Variants in ATP2B2 observed in about 807,000 individuals in gnomAD.
ATP2B2 encodes ATPase plasma membrane Ca2+ transporting 2, also known as plasma membrane calcium-transporting ATPase 2.
Under a neutral mutation model 120.0 loss-of-function variants are expected in ATP2B2, and 15 were observed. That is an observed-to-expected ratio of 0.12 (90% CI 0.08 to 0.19). The LOEUF (loss-of-function observed/expected upper bound fraction) is 0.19, where lower values mean the gene tolerates loss of function less well. Ranked by LOEUF, ATP2B2 falls within the 10% of genes least tolerant of loss-of-function variation. ATP2B2 has a pLI of 1.00. For missense variants in ATP2B2, 1,045 were observed against 1,719.8 expected (o/e 0.61, Z 6.94); for synonymous variants, 694 against 700.3 (o/e 0.99, Z 0.14).
chr3:10,410,546 C>T (rs939369453), intron 3 of ATP2B2, 72 bp downstream of exon 3: 26 of 1,487,090 alleles, frequency 1.7e-5, no homozygotes, highest in Non-Finnish European at 2.2e-5. Flanking sequence ...TTGTGTGAGC[C>T]GTGAGTGCCC....
At chr3:10,605,653 G>GTT (rs5846675) in intron 2 of ATP2B2, among the ~76,000 whole-genome samples, 9,930 of 146,878 alleles carry the variant, frequency 0.068, 478 homozygotes, top group East Asian at 0.2. Context: ...TATCTTTACA[G>GTT]TTTTTTTTTT....
rs938719039 is a variant in ATP2B2 at position 10,324,385 on chromosome 3, G to A, written c.*4429C>T. 3 of 152,234 alleles carry A rather than the reference G, an allele frequency of 2.0e-5. No individual in the cohort carries two copies. The highest frequency in any genetic ancestry group is 2.0e-4 in the Admixed American group (3 of 15,282). The allele number at this position is 152,234 out of a possible 1,614,324, so 9.4% of individuals were successfully genotyped here. On this transcript the variant is annotated 3_prime_UTR_variant, in exon 23 of 23. Transcript: ENST00000360273. ...AGCAGCCTCCAATATTGTTTTCAGT[G>A]GAGGGGGTGATGGCTGCTGCCTGGG...
At chr3:10,537,179 C>A (rs2067336006) in intron 2 of ATP2B2, among the ~76,000 whole-genome samples, 1 of 152,142 alleles carries the variant, frequency 6.6e-6, no homozygotes, top group Non-Finnish European at 1.5e-5. Context: ...ATTCTTCATT[C>A]TTTTTCAAAA....
At chr3:10,387,229 C>T (rs1182869131) in intron 6 of ATP2B2, among the ~76,000 whole-genome samples, 4 of 152,220 alleles carry the variant, frequency 2.6e-5, no homozygotes, top group African/African-American at 9.7e-5. Context: ...TCTAATTTCC[C>T]AGAACACAGC....
At chr3:10,705,939 C>T (rs1052553316) in intron 1 of ATP2B2, among the ~76,000 whole-genome samples, 1 of 152,168 alleles carries the variant, frequency 6.6e-6, no homozygotes, top group African/African-American at 2.4e-5. Context: ...TATAGCCGGC[C>T]TACGTAGCTG....
chr3:10,538,892 A>C (rs1445504369), intron 2 of ATP2B2, among the ~76,000 whole-genome samples: 1 of 152,194 alleles, frequency 6.6e-6, no homozygotes, highest in Non-Finnish European at 1.5e-5. Context: ...CAGGCAGGAG[A>C]AAGAAATAAA....
At position 10,328,958 on chromosome 3, in the gene ATP2B2, G is replaced by A. The variant is rs1559515136; in HGVS notation, c.3588C>T (p.Leu1196=). Reference sequence around the variant, plus strand: ...ATGACGGCGGGCTCGAGTTCTGCTTGAGCGCGGCATCTTCTTCCAGGTCGG... The same window carrying A: ...ATGACGGCGGGCTCGAGTTCTGCTTAAGCGCGGCATCTTCTTCCAGGTCGG... ...DDTDLEEDAA[L]KQNSSPPSSL... The change falls in exon 23 of 23, where the codon CTC becomes CTT. Residue 1196 remains leucine (L), a synonymous_variant. Transcript: ENST00000360273. The A allele has an allele frequency of 1.2e-6, 2 of 1,613,972 alleles. No homozygotes were observed. The highest frequency in any genetic ancestry group is 2.2e-5 in the East Asian group (1 of 44,858).
At chr3:10,382,028 C>T (rs913299982) in intron 8 of ATP2B2, among the ~76,000 whole-genome samples, 2 of 151,928 alleles carry the variant, frequency 1.3e-5, no homozygotes, top group African/African-American at 2.4e-5. Context: ...ACTGTGTAAA[C>T]GTTGGGAGTT....
chr3:10,380,850 T>G (rs1482657857), intron 8 of ATP2B2, among the ~76,000 whole-genome samples: 1 of 152,208 alleles, frequency 6.6e-6, no homozygotes, highest in African/African-American at 2.4e-5. Context: ...CCAGTTACCT[T>G]CATCATAATC....
At position 10,544,125 on chromosome 3, in the gene ATP2B2, C is replaced by T. The variant is rs1278391265; in HGVS notation, c.-414-9992G>A. On this transcript the variant is annotated intron_variant, in intron 2 of 21. Transcript: ENST00000646379. ...ATTTAGGTCAGCATTTCTCAAACCT[C>T]AGTCAATCAAATATGACTGCCATCA... Among the ~76,000 whole-genome samples the T allele has an allele frequency of 2.6e-5, 4 of 152,272 alleles. No homozygotes were observed. The East Asian group carries it at 7.7e-4, about 29-fold the overall frequency.
intron 1 of ATP2B2, among the ~76,000 whole-genome samples, chr3:10,702,088 C>G (rs889904723): frequency 1.2e-4 from 18 of 152,100 alleles, no homozygotes; most frequent in African/African-American, 3.9e-4. Flanking sequence ...CATCTTCATA[C>G]CAGTGGGCTT....
intron 5 of ATP2B2, among the ~76,000 whole-genome samples, chr3:10,390,523 T>TGTGC (rs1391224891): frequency 6.6e-6 from 1 of 151,380 alleles, no homozygotes; most frequent in African/African-American, 2.4e-5. Context: ...TGTGTGTGTG[T>TGTGC]GCGCTTGCAA....
intron 1 of ATP2B2, among the ~76,000 whole-genome samples, chr3:10,649,057 C>A (rs1056056676): frequency 1.3e-5 from 2 of 152,210 alleles, no homozygotes. Context: ...AGCCACTAGC[C>A]ACATGTGGCC....
intron 3 of ATP2B2, among the ~76,000 whole-genome samples, chr3:10,513,950 A>T (rs1415792231): frequency 6.6e-6 from 1 of 152,050 alleles, no homozygotes; most frequent in African/African-American, 2.4e-5. Context: ...GGAAGAGGGG[A>T]CACGCCCGCA....
At chr3:10,485,066 G>A (rs910617208) in intron 1 of ATP2B2, among the ~76,000 whole-genome samples, 4 of 152,208 alleles carry the variant, frequency 2.6e-5, no homozygotes, top group African/African-American at 7.2e-5. Flanking sequence ...GGTCTTGTGT[G>A]CCTTCAGGAA....
intron 1 of ATP2B2, among the ~76,000 whole-genome samples, chr3:10,650,970 T>C (rs1357911405): frequency 6.6e-6 from 1 of 152,220 alleles, no homozygotes; most frequent in African/African-American, 2.4e-5. Flanking sequence ...CTGCTGGATT[T>C]TGGACTTGAG....
At chr3:10,646,843 T>C (rs2070333647) in intron 1 of ATP2B2, among the ~76,000 whole-genome samples, 1 of 152,116 alleles carries the variant, frequency 6.6e-6, no homozygotes, top group Non-Finnish European at 1.5e-5. Flanking sequence ...CAAAGACAGA[T>C]AAGGCACCCC....
chr3:10,696,562 C>G (rs1369887725), intron 1 of ATP2B2, among the ~76,000 whole-genome samples: 1 of 152,216 alleles, frequency 6.6e-6, no homozygotes. Flanking sequence ...GACTCTGTAG[C>G]CTCCTCTGGC....
chr3:10,707,959 C>T (rs7631466), exon 1 of ATP2B2: 124,146 of 149,884 alleles, frequency 0.83, 51,470 homozygotes, highest in African/African-American at 0.87. Context: ...CCGCTGCCGC[C>T]GCCGCTGCCG....
Sources: gnomAD v4.1 joint callset for allele counts (sites outside exome capture counted in the v4.1 genomes callset) on GRCh38, gnomAD v4.1.1 for gene constraint, MANE v1.5 for transcripts, NCBI Gene and HGNC (gene_info 2026-07-23, HGNC 2026-07-21) for gene names.